COL19A1: variants seen among roughly 807,000 people sequenced by gnomAD.
COL19A1 encodes collagen type XIX alpha 1 chain.
In COL19A1, 159 loss-of-function variants were observed where a neutral mutation model predicts 190.2. The observed-to-expected ratio is 0.84, with a 90% confidence interval of 0.73 to 0.95. COL19A1 has a LOEUF of 0.95. Ranked by LOEUF, COL19A1 falls within the 40% of genes least tolerant of loss-of-function variation. The probability of loss-of-function intolerance (pLI) is 0.00; values close to 1 mark genes in which losing one functional copy is unlikely to be tolerated. For missense variants in COL19A1, 1,418 were observed against 1,431.9 expected, an observed-to-expected ratio of 0.99 and a Z score of 0.16; for synonymous variants, 509 against 458.9, an observed-to-expected ratio of 1.11 and a Z score of -1.39.
intron 15 of COL19A1, among the ~76,000 whole-genome samples, chr6:70,089,145 A>C (rs1288684151): frequency 6.6e-6 from 1 of 152,160 alleles, no homozygotes; most frequent in African/African-American, 2.4e-5. Flanking sequence ...GAATGGATTT[A>C]AATCATATTT....
At chr6:70,030,096 G>A (rs988915968) in intron 12 of COL19A1, among the ~76,000 whole-genome samples, 6 of 152,216 alleles carry the variant, frequency 3.9e-5, no homozygotes, top group Non-Finnish European at 8.8e-5. Flanking sequence ...AGGCATCTGT[G>A]GGAAATGCTT....
Position 70,156,374 on chromosome 6 carries a change from G to A in COL19A1, c.2238+5G>A, listed in dbSNP as rs746158881. On this transcript the variant is annotated splice_donor_5th_base_variant and intron_variant, in intron 33 of 50. Transcript: ENST00000620364. ...CCAGGAAGAGAGGGACCAAAGGTAA[G>A]AAATTCTCTCCTCCACTTTCCCCTG... 4.3e-6 allele frequency: 7 copies of A among 1,613,078 alleles called. No individual in the cohort carries two copies. The highest frequency in any genetic ancestry group is 8.5e-7 in the Non-Finnish European group (1 of 1,179,482).
At chr6:69,907,400 G>A (rs1561983988) in intron 4 of COL19A1, among the ~76,000 whole-genome samples, 1 of 152,060 alleles carries the variant, frequency 6.6e-6, no homozygotes, top group Non-Finnish European at 1.5e-5. Flanking sequence ...AAAGTGCTGG[G>A]ATTACAGGCA....
At chr6:70,076,168 C>A (rs1781872091) in intron 15 of COL19A1, among the ~76,000 whole-genome samples, 1 of 152,146 alleles carries the variant, frequency 6.6e-6, no homozygotes. Context: ...CAAATCATCA[C>A]ATTTTCTAGC....
At chr6:69,978,372 T>G (rs1472390028) in intron 11 of COL19A1, among the ~76,000 whole-genome samples, 1 of 152,092 alleles carries the variant, frequency 6.6e-6, no homozygotes, top group Admixed American at 6.5e-5. Context: ...AAATTTATGA[T>G]TCTTTGGACA....
chr6:69,928,291 T>C (rs1772527254), intron 5 of COL19A1, among the ~76,000 whole-genome samples: 1 of 152,128 alleles, frequency 6.6e-6, no homozygotes. Context: ...TGTTTAAAGA[T>C]GTAAAACTGC....
intron 11 of COL19A1, among the ~76,000 whole-genome samples, chr6:69,968,893 A>G (rs955427218): frequency 1.3e-5 from 2 of 152,022 alleles, no homozygotes; most frequent in African/African-American, 4.8e-5. Flanking sequence ...CTGGAGTACC[A>G]CTCCTGAAAG....
chr6:69,938,973 A>C (rs977909760), intron 9 of COL19A1, among the ~76,000 whole-genome samples: 1 of 152,080 alleles, frequency 6.6e-6, no homozygotes, highest in East Asian at 1.9e-4. Context: ...CATGATTCTA[A>C]ATTATTTGTA....
At chr6:70,134,692 C>A (rs1785733075) in intron 18 of COL19A1, among the ~76,000 whole-genome samples, 1 of 152,134 alleles carries the variant, frequency 6.6e-6, no homozygotes, top group Non-Finnish European at 1.5e-5. Context: ...TAGCTGAAAG[C>A]CTAATGGTAT....
At chr6:70,127,009 C>T (rs896459971) in intron 17 of COL19A1, among the ~76,000 whole-genome samples, 2 of 152,216 alleles carry the variant, frequency 1.3e-5, no homozygotes, top group Non-Finnish European at 2.9e-5. Context: ...ATTACTGGCT[C>T]ATTTGCCCAA....
rs2127541067 is a variant in COL19A1 at position 70,212,067 on chromosome 6, T to G, written c.*4793T>G. Reference sequence around the variant, plus strand: ...ATAAGATTTAAGTTTATCAGAAGTGTGTGTATTGTGTGACCATACTAAGCT... The same window carrying G: ...ATAAGATTTAAGTTTATCAGAAGTGGGTGTATTGTGTGACCATACTAAGCT... On this transcript the variant is annotated 3_prime_UTR_variant, in exon 51 of 51. Coordinates refer to ENST00000620364, the MANE Select transcript of COL19A1 (RefSeq NM_001858.6). 6.6e-6 allele frequency among the ~76,000 whole-genome samples: 1 copy of G among 152,292 alleles called. No individual in the cohort carries two copies. The highest frequency in any genetic ancestry group is 2.4e-5 in the African/African-American group (1 of 41,568).
chr6:70,118,233 T>A (rs564232421), intron 16 of COL19A1, among the ~76,000 whole-genome samples: 1 of 152,322 alleles, frequency 6.6e-6, no homozygotes, highest in Admixed American at 6.5e-5. Flanking sequence ...AGCACATCTC[T>A]TGGGATGTGG....
At chr6:69,967,371 G>T (rs80119363) in intron 11 of COL19A1, among the ~76,000 whole-genome samples, 2,586 of 152,222 alleles carry the variant, frequency 0.017, 83 homozygotes, top group African/African-American at 0.058. Context: ...GCACTTCTTC[G>T]TGAATCATAA....
In COL19A1 at chr6:70,137,714, G is replaced by A. The variant is rs373796311; in HGVS notation, c.1413G>A (p.Gly471=). ...KGETGLPGFP[G]SVGPKGQKGE... ...AAACTGGACTACCAGGATTTCCAGG[G>A]TCTGTTGGCCCTAAAGGACAAAAAG... The change falls in exon 19 of 51, where the codon GGG becomes GGA. Residue 471 remains glycine (G), a synonymous_variant. Transcript: ENST00000620364. The A allele has an allele frequency of 1.7e-5, 28 of 1,613,342 alleles. No individual in the cohort carries two copies. In the African/African-American group the frequency reaches 3.5e-4, roughly 20 times the overall value.
chr6:70,097,973 T>C (rs541856657), intron 15 of COL19A1, among the ~76,000 whole-genome samples: 2 of 152,278 alleles, frequency 1.3e-5, no homozygotes, highest in South Asian at 2.1e-4. Flanking sequence ...TCCCCACCTT[T>C]TGTCTCACTT....
chr6:69,879,737 T>C, intron 2 of COL19A1, 79 bp downstream of exon 2: 1 of 1,271,518 alleles, frequency 7.9e-7, no homozygotes, highest in Non-Finnish European at 1.1e-6. Flanking sequence ...TTGTTAAGAT[T>C]GAAAAGGCCA....
chr6:70,077,735 C>A (rs971187317), intron 15 of COL19A1, among the ~76,000 whole-genome samples: 13 of 152,106 alleles, frequency 8.5e-5, no homozygotes, highest in Non-Finnish European at 1.9e-4. Flanking sequence ...GTCTATGCAA[C>A]CGTGAGAAAG....
At chr6:70,065,002 G>C (rs1385285045) in intron 14 of COL19A1, among the ~76,000 whole-genome samples, 1 of 152,150 alleles carries the variant, frequency 6.6e-6, no homozygotes, top group Non-Finnish European at 1.5e-5. Flanking sequence ...TGGAGAGGAA[G>C]AATCAATATC....
chr6:70,189,587 T>G (rs925076125), intron 47 of COL19A1, among the ~76,000 whole-genome samples: 10 of 152,252 alleles, frequency 6.6e-5, no homozygotes, highest in African/African-American at 2.4e-4. Context: ...AAATAATAGC[T>G]CCTTTAAAAA....
Sources: gnomAD v4.1 joint callset for allele counts (sites outside exome capture counted in the v4.1 genomes callset) on GRCh38, gnomAD v4.1.1 for gene constraint, MANE v1.5 for transcripts, NCBI Gene and HGNC (gene_info 2026-07-23, HGNC 2026-07-21) for gene names.